Variants in RPL31 observed in about 807,000 individuals in gnomAD.
RPL31 encodes large ribosomal subunit protein eL31.
For synonymous variants in RPL31, 51 were observed against 55.0 expected (o/e 0.93, Z 0.32); for missense variants, 95 against 164.0 (o/e 0.58, Z 2.30).
chr2:101,017,535 A>G (rs1679745218), intron 4 of RPL31, among the ~76,000 whole-genome samples: 1 of 152,218 alleles, frequency 6.6e-6, no homozygotes, highest in Admixed American at 6.5e-5. Flanking sequence ...ACCATCATAC[A>G]TGCTGTCTAT....
chr2:101,006,108 T>A, intron 4 of RPL31, 37 bp downstream of exon 4: 1 of 1,601,562 alleles, frequency 6.2e-7, no homozygotes, highest in Middle Eastern at 1.7e-4. Context: ...TTAAATTCAT[T>A]AGAAAAATGT....
intron 4 of RPL31, among the ~76,000 whole-genome samples, chr2:101,015,368 T>A (rs1402505085): frequency 6.6e-6 from 1 of 152,210 alleles, no homozygotes; most frequent in Non-Finnish European, 1.5e-5. Flanking sequence ...TACTGCACAC[T>A]GCCATAGACT....
chr2:101,008,315 G>A (rs1558962500), downstream of RPL31: 17 of 1,444,786 alleles, frequency 1.2e-5, no homozygotes, highest in Non-Finnish European at 1.6e-5. Flanking sequence ...GAACCAGGGT[G>A]GAAGTGTCAT....
At chr2:101,011,095 G>A, downstream of RPL31, 1 of 1,464,682 alleles carries the variant, frequency 6.8e-7, no homozygotes, top group East Asian at 2.3e-5. Context: ...AGGAAACTAT[G>A]TAGGAGAGAG....
chr2:101,017,582 A>G (rs1433311560), intron 4 of RPL31, among the ~76,000 whole-genome samples: 2 of 152,204 alleles, frequency 1.3e-5, no homozygotes, highest in African/African-American at 4.8e-5. Flanking sequence ...ACACAACAGT[A>G]TATATTTATC....
chr2:101,007,830 A>T, downstream of RPL31: 9 of 1,613,442 alleles, frequency 5.6e-6, no homozygotes, highest in Non-Finnish European at 7.6e-6. Context: ...GCTACAAGTT[A>T]CTCAGCTTAA....
intron 4 of RPL31, chr2:101,017,821 TACTA>T (rs1679766883): frequency 3.9e-6 from 6 of 1,548,946 alleles, no homozygotes; most frequent in Middle Eastern, 1.7e-4. Context: ...TTCATACTAA[TACTA>T]ACAGTGAAGC....
chr2:101,008,860 A>ATCTT (rs1678956520), downstream of RPL31, among the ~76,000 whole-genome samples: 1 of 152,132 alleles, frequency 6.6e-6, no homozygotes, highest in Non-Finnish European at 1.5e-5. Context: ...ATCTGTAGGG[A>ATCTT]TCTTTAAGCT....
downstream of RPL31, chr2:101,011,181 GTGGGTGGTAAC>G: frequency 1.3e-6 from 1 of 761,482 alleles, no homozygotes. Context: ...TGGAGAGCCA[GTGGGTGGTAAC>G]TGGGGGACTT....
chr2:101,002,846 C>T (rs889776890), intron 2 of RPL31, 38 bp downstream of exon 2: 17 of 1,486,402 alleles, frequency 1.1e-5, no homozygotes, highest in Non-Finnish European at 1.4e-5. Context: ...CTCGAACTCA[C>T]GCGTCTGGTT....
At chr2:101,013,588 A>G (rs1219765682) in intron 4 of RPL31, among the ~76,000 whole-genome samples, 1 of 152,220 alleles carries the variant, frequency 6.6e-6, no homozygotes, top group Non-Finnish European at 1.5e-5. Context: ...AGGTAACTTC[A>G]TTGCTCCAAC....
chr2:101,009,851 T>C (rs1168572485), downstream of RPL31, among the ~76,000 whole-genome samples: 1 of 148,946 alleles, frequency 6.7e-6, no homozygotes, highest in African/African-American at 2.5e-5. Context: ...AGATGGAGTC[T>C]CGCTCTGTCG....
At chr2:101,018,153 C>G (rs181376357) in intron 4 of RPL31, 64 of 503,178 alleles carry the variant, frequency 1.3e-4, no homozygotes, top group African/African-American at 8.0e-4. Flanking sequence ...CTCATTCATA[C>G]AGATATTGCT....
Position 101,006,395 on chromosome 2 carries a change from GATCA to G in RPL31, c.*16_*19del, listed in dbSNP as rs748821539. The G allele has an allele frequency of 1.2e-6, 2 of 1,608,074 alleles. No homozygotes were observed. The highest frequency in any genetic ancestry group is 1.7e-5 in the Admixed American group (1 of 58,308). Reference sequence around the variant, plus strand: ...GATGAGAACTAATCGCTGATCGTCAGATCAAATAAAGTTATAAAATTGCCTTCAT... The same window carrying G: ...GATGAGAACTAATCGCTGATCGTCAGAATAAAGTTATAAAATTGCCTTCAT... On this transcript the variant is annotated 3_prime_UTR_variant, in exon 5 of 5. Coordinates refer to ENST00000264258, the MANE Select transcript of RPL31 (RefSeq NM_000993.5).
At chr2:101,005,865 T>C (rs904984933) in intron 3 of RPL31, 94 bp from the exon 4 acceptor site, 13 of 1,059,136 alleles carry the variant, frequency 1.2e-5, no homozygotes, top group Non-Finnish European at 1.4e-5. Flanking sequence ...AAGGACAGCA[T>C]TAGAAGCAGG....
chr2:101,019,017 T>TA lies in RPL31; in HGVS notation c.367dup (p.Thr123AsnfsTer80), dbSNP rs1679860523. Reference sequence around the variant, plus strand: ...TGCTAGTTTCTGTGCTAAACAGTGTTACAGTCGCCAAGAGCCCATAAAGGG... The same window carrying TA: ...TGCTAGTTTCTGTGCTAAACAGTGTTAACAGTCGCCAAGAGCCCATAAAGGG... On this transcript the variant is annotated frameshift_variant, in exon 5 of 5. Transcript: ENST00000409028. LOFTEE classifies it high-confidence loss of function. The TA allele has an allele frequency of 1.2e-6, 2 of 1,612,604 alleles. No individual in the cohort carries two copies. Among genetic ancestry groups the TA allele is most frequent in the Non-Finnish European group, 1.7e-6 (2 of 1,179,406 alleles).
chr2:101,002,847 G>A, intron 2 of RPL31, 39 bp downstream of exon 2: 2 of 1,470,342 alleles, frequency 1.4e-6, no homozygotes, highest in Non-Finnish European at 1.9e-6. Context: ...TCGAACTCAC[G>A]CGTCTGGTTG....
chr2:101,005,936 C>T lies in RPL31; in HGVS notation c.234-23C>T, dbSNP rs1374914625. Reference sequence around the variant, plus strand: ...GGTTGAAAGGAGGCATTGACTTCAGCAACACAATTATGTTTTTATTAGGAA... The same window carrying T: ...GGTTGAAAGGAGGCATTGACTTCAGTAACACAATTATGTTTTTATTAGGAA... On this transcript the variant is annotated intron_variant, in intron 3 of 4. Coordinates refer to ENST00000264258, the MANE Select transcript of RPL31 (RefSeq NM_000993.5). 3.1e-6 allele frequency: 5 copies of T among 1,599,788 alleles called. No individual in the cohort carries two copies. In the African/African-American group the frequency reaches 4.0e-5, roughly 13 times the overall value.
downstream of RPL31, chr2:101,011,249 G>T: frequency 1.5e-6 from 1 of 666,238 alleles, no homozygotes; most frequent in Non-Finnish European, 2.4e-6. Context: ...GAAGGAACTT[G>T]GTGGTGGGGG....
Sources: gnomAD v4.1 joint callset for allele counts (sites outside exome capture counted in the v4.1 genomes callset) on GRCh38, gnomAD v4.1.1 for gene constraint, MANE v1.5 for transcripts, NCBI Gene and HGNC (gene_info 2026-07-23, HGNC 2026-07-21) for gene names.